The following PRPF40B variants were observed in gnomAD, a reference collection of about 807,000 sequenced individuals.
PRPF40B encodes pre-mRNA-processing factor 40 homolog B.
In PRPF40B, 56 loss-of-function variants were observed where a neutral mutation model predicts 124.5. The observed-to-expected ratio is 0.45, with a 90% CI of 0.36 to 0.56. The LOEUF (loss-of-function observed/expected upper bound fraction) is 0.56. Ranked by LOEUF, PRPF40B falls within the 20% of genes least tolerant of loss-of-function variation. PRPF40B has a pLI of 0.00. For missense variants in PRPF40B, 1,053 were observed against 1,169.5 expected (o/e 0.90, Z 1.45); for synonymous variants, 443 against 426.4 (o/e 1.04, Z -0.48).
rs1942794206 is a variant in PRPF40B, at chr12:49,642,381, C to T, written c.2022+9C>T. The T allele has an allele frequency of 5.0e-6, 8 of 1,613,050 alleles. No homozygotes were observed. Among genetic ancestry groups the T allele is most frequent in the East Asian group, 2.2e-5 (1 of 44,848 alleles). On this transcript the variant is annotated intron_variant, in intron 20 of 25. Coordinates refer to ENST00000548825, the MANE Select transcript of PRPF40B (RefSeq NM_001031698.3). This position sits in a 1 kb window ranked among gnomAD's most constrained non-coding sequence, Gnocchi z 5.8. ...GCACTGCCTGGGAAGAGGTCAGGAG[C>T]GTAGCCTGGCCCCAAGCACCCCTCA...
chr12:49,629,864 A>C, intron 1 of PRPF40B, among the ~76,000 whole-genome samples: 1 of 152,222 alleles, frequency 6.6e-6, no homozygotes. Context: ...CTACATCCAC[A>C]GGGAGATAGT....
Position 49,641,482 on chromosome 12 carries a change from G to A in PRPF40B, c.1768-426G>A, listed in dbSNP as rs557081419. 5 of 174,390 alleles carry A rather than the reference G, an allele frequency of 2.9e-5. No homozygotes were observed. In the South Asian group the frequency reaches 6.0e-4, roughly 21 times the overall value. 10.8% of individuals were successfully genotyped at this position (174,390 alleles called of 1,614,324 possible). On this transcript the variant is annotated intron_variant, in intron 18 of 25. Coordinates refer to ENST00000548825, the MANE Select transcript of PRPF40B (RefSeq NM_001031698.3). ...AAGAGGATTAAATGAGATAATGTGT[G>A]AAACACTCATCATGGTACCTGGTAC...
rs1942904966 is a variant in PRPF40B, at chr12:49,643,212, G to C, written c.2206-11G>C. 2 of 1,613,926 alleles carry C rather than the reference G, an allele frequency of 1.2e-6. No homozygotes were observed. The highest frequency in any genetic ancestry group is 1.7e-6 in the Non-Finnish European group (2 of 1,179,968). ...ACCTCTGCACTGACATGTATCTGCT[G>C]ATCTGCCCAGGGCTCTGAGTCAGAA... On this transcript the variant is annotated splice_polypyrimidine_tract_variant and intron_variant, in intron 22 of 25. Transcript: ENST00000548825.
chr12:49,643,900 G>A lies in PRPF40B; in HGVS notation c.2482G>A (p.Gly828Ser), dbSNP rs1943007067. The change falls in exon 25 of 26, where the codon GGC (glycine) becomes AGC (serine). Residue 828 changes from glycine to serine, a missense_variant. By Grantham distance (56) the Gly-to-Ser change is moderately conservative. This residue lies in a region of PRPF40B where 895 missense variants were observed against 1,052.2 expected (regional missense o/e 0.85). Transcript: ENST00000548825. ...ESETDPEEKA[G>S]KESDEKEQEQ... is the part of the protein sequence containing the mutation. ...TGAGACAGACCCTGAGGAGAAAGCT[G>A]GCAAGGAGAGCGATGAGAAAGAACA... is the stretch of plus-strand genomic sequence containing the variant. 1 of 1,614,182 alleles carries A rather than the reference G, an allele frequency of 6.2e-7. No homozygotes were observed. The highest frequency in any genetic ancestry group is 8.5e-7 in the Non-Finnish European group (1 of 1,180,038).
rs1320437583 is a variant in PRPF40B, at chr12:49,635,950, C to T, written c.1383C>T (p.Tyr461=). The change falls in exon 15 of 26, where the codon TAC becomes TAT. Residue 461 remains tyrosine, a synonymous_variant. Coordinates refer to ENST00000548825, the MANE Select transcript of PRPF40B (RefSeq NM_001031698.3). The surrounding 1 kb of genome is among the most constrained non-coding windows in gnomAD (Gnocchi z 4.1). ...FQTTWSQAQQ[Y]LMDNPSFAQD... ...CCACGTGGTCCCAGGCCCAGCAGTA[C>T]CTCATGGATAACCCCAGCTTTGCTC... 10 of 1,614,030 alleles carry T rather than the reference C, an allele frequency of 6.2e-6. No individual in the cohort carries two copies. Among genetic ancestry groups the T allele is most frequent in the African/African-American group, 1.3e-5 (1 of 74,908 alleles).
At chr12:49,628,260 T>C (rs1940903902) in intron 1 of PRPF40B, among the ~76,000 whole-genome samples, 1 of 152,110 alleles carries the variant, frequency 6.6e-6, no homozygotes, top group Non-Finnish European at 1.5e-5. Context: ...TTTGTTGTTG[T>C]TGTTGTTGTT....
In PRPF40B at chr12:49,631,512, C is replaced by T. The variant is rs777771558; in HGVS notation, c.196C>T (p.Pro66Ser). The change falls in exon 3 of 26, where the codon CCA (proline) becomes TCA (serine). Residue 66 changes from proline (P) to serine (S), a missense_variant. This residue lies in a region of PRPF40B where 158 missense variants were observed against 117.3 expected (regional missense o/e 1.35). Coordinates refer to ENST00000548825, the MANE Select transcript of PRPF40B (RefSeq NM_001031698.3). The surrounding 1 kb of genome is among the most constrained non-coding windows in gnomAD (Gnocchi z 4.3). ...ACCTGGCATCCTGCCCCCAATGCTTCCACCAATGGGGGCGCCACCACCACT... is the reference window on the plus strand; with the variant it reads ...ACCTGGCATCCTGCCCCCAATGCTTTCACCAATGGGGGCGCCACCACCACT... ...MPPGILPPML[P>S]PMGAPPPLTQ... is the part of the protein sequence containing the mutation. The T allele has an allele frequency of 1.3e-6, 2 of 1,551,266 alleles. No individual in the cohort carries two copies. Among genetic ancestry groups the T allele is most frequent in the South Asian group, 1.3e-5 (1 of 79,668 alleles).
intron 1 of PRPF40B, among the ~76,000 whole-genome samples, chr12:49,628,951 T>A (rs1940980203): frequency 6.6e-6 from 1 of 152,152 alleles, no homozygotes; most frequent in African/African-American, 2.4e-5. Context: ...AGCAGTGAGG[T>A]ACCTTCTCTT....
At position 49,642,713 on chromosome 12, in the gene PRPF40B, T is replaced by C. The variant is rs915624928; in HGVS notation, c.2118+38T>C. The C allele has an allele frequency of 6.3e-6, 10 of 1,593,038 alleles. No individual in the cohort carries two copies. In the African/African-American group the frequency reaches 8.1e-5, roughly 13 times the overall value. On this transcript the variant is annotated intron_variant, in intron 21 of 25. Transcript: ENST00000548825. The surrounding 1 kb of genome is among the most constrained non-coding windows in gnomAD (Gnocchi z 5.8). ...TGTCCTCTGGATCTGCCTCAGGCCC[T>C]TGAACTCATTAGACCAGTTCAACAG...
chr12:49,623,428 C>T (rs1273295250), upstream of PRPF40B: 11 of 605,652 alleles, frequency 1.8e-5, no homozygotes, highest in Non-Finnish European at 2.6e-5. Context: ...CCGAACACAC[C>T]GGGCCGGTTG....
chr12:49,644,523 A>G lies in PRPF40B; in HGVS notation c.*331A>G. 1 of 352,834 alleles carries G rather than the reference A, an allele frequency of 2.8e-6. No homozygotes were observed. Among genetic ancestry groups the G allele is most frequent in the South Asian group, 2.9e-5 (1 of 34,580 alleles). 21.9% of individuals were successfully genotyped at this position (352,834 alleles called of 1,614,324 possible). ...GGCTGTTGGACGCAGCCTGGGTGGC[A>G]GAGGGCAGGGTCATCACCCTCTAGC... On this transcript the variant is annotated 3_prime_UTR_variant, in exon 26 of 26. Coordinates refer to ENST00000548825, the MANE Select transcript of PRPF40B (RefSeq NM_001031698.3).
At chr12:49,643,162 G>C in intron 22 of PRPF40B, 61 bp from the exon 23 acceptor site, 2 of 1,603,008 alleles carry the variant, frequency 1.2e-6, no homozygotes, top group Non-Finnish European at 1.7e-6. Context: ...CGAATTCCCA[G>C]ACGAGGGCTT....
chr12:49,643,605 G>A (rs1273968130), intron 23 of PRPF40B, 86 bp from the exon 24 acceptor site: 2 of 1,465,110 alleles, frequency 1.4e-6, no homozygotes, highest in South Asian at 1.3e-5. Context: ...GTTCCTGCCT[G>A]TGAAGAATGA....
chr12:49,634,721 T>C (rs1216883165), intron 12 of PRPF40B, 119 bp downstream of exon 12: 6 of 1,328,718 alleles, frequency 4.5e-6, no homozygotes, highest in Admixed American at 2.1e-5. Context: ...CAGTGATAGA[T>C]TGGGTTGGGG....
chr12:49,639,950 A>G (rs979134644), intron 18 of PRPF40B: 1 of 152,244 alleles, frequency 6.6e-6, no homozygotes, highest in African/African-American at 2.4e-5. Flanking sequence ...TTTATTGGAC[A>G]ATTAACTTTT....
chr12:49,633,803 C>T, intron 9 of PRPF40B, 83 bp from the exon 10 acceptor site: 2 of 1,606,282 alleles, frequency 1.2e-6, no homozygotes, highest in East Asian at 2.2e-5. Context: ...CCCAGTCCTT[C>T]CCAGGATAGA....
chr12:49,637,130 TTGG>T, intron 16 of PRPF40B: 1 of 580,480 alleles, frequency 1.7e-6, no homozygotes, highest in Non-Finnish European at 3.0e-6. Flanking sequence ...TTTATTTCCC[TTGG>T]TGGGGCACCC....
In PRPF40B at chr12:49,631,672, T is replaced by G; in HGVS notation, c.228+128T>G. ...GAGCTTTGGGCCAAACCCATGTGGA[T>G]TTGTCTGCTGAATGACTGAGACAAC... On this transcript the variant is annotated intron_variant, in intron 3 of 25. Transcript: ENST00000548825. This position sits in a 1 kb window ranked among gnomAD's most constrained non-coding sequence, Gnocchi z 4.3. 1 of 1,336,252 alleles carries G rather than the reference T, an allele frequency of 7.5e-7. No homozygotes were observed. Among genetic ancestry groups the G allele is most frequent in the Non-Finnish European group, 1.1e-6 (1 of 949,648 alleles). The allele number at this position is 1,336,252 out of a possible 1,614,324, so 82.8% of individuals were successfully genotyped here.
At chr12:49,633,601 C>T (rs1347431412) in intron 8 of PRPF40B, 36 bp from the exon 9 acceptor site, 2 of 1,614,230 alleles carry the variant, frequency 1.2e-6, no homozygotes, top group African/African-American at 1.3e-5. Flanking sequence ...TCCCTATTGC[C>T]CCTGTGACTG....
Sources: gnomAD v4.1 joint callset for allele counts (sites outside exome capture counted in the v4.1 genomes callset) on GRCh38, gnomAD v4.1.1 for gene constraint, gnomAD v4.1.1 regional missense constraint, Gnocchi (gnomAD v3.1) non-coding constraint, MANE v1.5 for transcripts, NCBI Gene and HGNC (gene_info 2026-07-23, HGNC 2026-07-21) for gene names.